The following C4orf51 variants were observed in gnomAD, a reference collection of about 807,000 sequenced individuals.
The protein encoded by C4orf51 is uncharacterized protein C4orf51.
Under a neutral mutation model 25.2 loss-of-function variants are expected in C4orf51, and 25 were observed. The ratio of observed to expected loss-of-function variants is 0.99; its 90% CI spans 0.72 to 1.39. The LOEUF (loss-of-function observed/expected upper bound fraction) is 1.39. C4orf51 is among the 40% of genes most tolerant of loss of function. C4orf51 has a pLI of 0.00. For missense variants in C4orf51, 252 were observed against 239.6 expected, an observed-to-expected ratio of 1.05 and a Z score of -0.34; for synonymous variants, 100 against 84.5, an observed-to-expected ratio of 1.18 and a Z score of -1.01.
chr4:145,764,872 T>A (rs1408702355), intron 1 of C4orf51: 3 of 1,452,120 alleles, frequency 2.1e-6, no homozygotes, highest in South Asian at 2.3e-5. Flanking sequence ...ACTCCTCTCA[T>A]ACCAAGCTCC....
At chr4:145,783,158 T>A in the C4orf51 span, among the ~76,000 whole-genome samples, 1 of 152,176 alleles carries the variant, frequency 6.6e-6, no homozygotes, top group Non-Finnish European at 1.5e-5. Context: ...TGGCCTCCCT[T>A]CCCTGGGGTA....
chr4:145,741,378 G>C (rs1046491502), intron 1 of C4orf51, among the ~76,000 whole-genome samples: 8 of 151,984 alleles, frequency 5.3e-5, no homozygotes, highest in African/African-American at 1.9e-4. Flanking sequence ...TTTGTATTTA[G>C]GAGACGAGGT....
chr4:145,735,139 C>T (rs555316309), downstream of C4orf51, among the ~76,000 whole-genome samples: 9 of 152,214 alleles, frequency 5.9e-5, no homozygotes, highest in Admixed American at 4.6e-4. Context: ...TTGAGAGTTC[C>T]AGGTCGGGGA....
At chr4:145,786,074 T>G in the C4orf51 span, among the ~76,000 whole-genome samples, 1 of 152,192 alleles carries the variant, frequency 6.6e-6, no homozygotes, top group Non-Finnish European at 1.5e-5. Flanking sequence ...TGAAGAAAGT[T>G]CCCTTGAACC....
At chr4:145,785,226 C>T in the C4orf51 span, among the ~76,000 whole-genome samples, 7 of 152,138 alleles carry the variant, frequency 4.6e-5, no homozygotes, top group African/African-American at 2.4e-5. Context: ...TGAGGCCTAT[C>T]ATCCATAATG....
At chr4:145,775,475 C>T (rs539479972), downstream of C4orf51, among the ~76,000 whole-genome samples, 1 of 151,674 alleles carries the variant, frequency 6.6e-6, no homozygotes, top group African/African-American at 2.4e-5. Flanking sequence ...CACTCAGTTA[C>T]AAAGGTTGGA....
In C4orf51 at chr4:145,680,363, A is replaced by G. The variant is rs747015258; in HGVS notation, c.160A>G (p.Lys54Glu). Residue 54 changes from lysine to glutamate, a missense_variant, in exon 1 of 6, where the codon AAA (lysine) becomes GAA (glutamate). Transcript: ENST00000438731. ...SVTTYTGSYR[K>E]KQLDKSMCSQ... is the part of the protein sequence containing the mutation. ...GACAACATACACAGGCAGTTACCGG[A>G]AAAAACAACTGGACAAGTCCATGTG... The G allele has an allele frequency of 9.5e-5, 154 of 1,612,872 alleles. No homozygotes were observed. The highest frequency in any genetic ancestry group is 1.2e-4 in the Non-Finnish European group (145 of 1,179,744).
chr4:145,683,716 CAGACCT>C (rs1728969567), intron 1 of C4orf51, among the ~76,000 whole-genome samples: 1 of 152,216 alleles, frequency 6.6e-6, no homozygotes, highest in African/African-American at 2.4e-5. Context: ...AACTAAGACA[CAGACCT>C]TATACCATTC....
rs114175250 is a variant in C4orf51 at position 145,729,158 on chromosome 4, C to T, written c.367-11C>T. The stretch of plus-strand genomic sequence containing the variant: ...GTGGTTGGTATTTATTTCTATCTCT[C>T]CTTTTTATAGGCACATCAAATTTGG... On this transcript the variant is annotated splice_polypyrimidine_tract_variant and intron_variant, in intron 3 of 5. Coordinates refer to ENST00000438731, the MANE Select transcript of C4orf51 (RefSeq NM_001080531.3). 670 of 1,573,092 alleles carry T rather than the reference C, an allele frequency of 4.3e-4. 1 individual carries two copies. In the African/African-American group the frequency reaches 7.9e-3, roughly 18 times the overall value.
intron 1 of C4orf51, among the ~76,000 whole-genome samples, chr4:145,738,833 G>A (rs1732948316): frequency 6.6e-6 from 1 of 152,010 alleles, no homozygotes; most frequent in South Asian, 2.1e-4. Flanking sequence ...TAGAGATGAG[G>A]TTTCACCATG....
At chr4:145,718,065 C>T (rs1451742067) in intron 2 of C4orf51, among the ~76,000 whole-genome samples, 1 of 152,230 alleles carries the variant, frequency 6.6e-6, no homozygotes, top group Non-Finnish European at 1.5e-5. Flanking sequence ...CACTCACTGG[C>T]TTTCCCTTTC....
chr4:145,697,567 A>G (rs943033552), intron 2 of C4orf51, among the ~76,000 whole-genome samples: 2 of 152,170 alleles, frequency 1.3e-5, no homozygotes, highest in Admixed American at 6.5e-5. Context: ...ATGCTTCTAT[A>G]ACTTTGACTT....
At chr4:145,703,190 A>G (rs891249864) in intron 2 of C4orf51, among the ~76,000 whole-genome samples, 7 of 151,380 alleles carry the variant, frequency 4.6e-5, no homozygotes, top group Admixed American at 1.3e-4. Flanking sequence ...ATGACATTCC[A>G]CCACAAAACA....
At chr4:145,785,197 C>T in the C4orf51 span, among the ~76,000 whole-genome samples, 1 of 152,154 alleles carries the variant, frequency 6.6e-6, no homozygotes, top group South Asian at 2.1e-4. Flanking sequence ...GCTTTCAGCT[C>T]CTCCTGTTAA....
the C4orf51 span, among the ~76,000 whole-genome samples, chr4:145,777,134 A>G: frequency 1.3e-5 from 2 of 152,216 alleles, no homozygotes; most frequent in Non-Finnish European, 1.5e-5. Context: ...ATATGAGACC[A>G]TTATTGTTAT....
chr4:145,760,735 TTTG>T (rs1408772422), intron 1 of C4orf51: 8 of 999,066 alleles, frequency 8.0e-6, no homozygotes, highest in South Asian at 7.4e-5. Context: ...TTTTTTTTTT[TTTG>T]TCTTTTGTCT....
At chr4:145,743,080 TAG>T (rs1733188128) in intron 1 of C4orf51, among the ~76,000 whole-genome samples, 1 of 152,066 alleles carries the variant, frequency 6.6e-6, no homozygotes, top group Non-Finnish European at 1.5e-5. Flanking sequence ...AGTTGGAGGA[TAG>T]GTGTGCCCTT....
At chr4:145,750,573 T>C (rs1733620318) in intron 1 of C4orf51, among the ~76,000 whole-genome samples, 1 of 152,174 alleles carries the variant, frequency 6.6e-6, no homozygotes, top group Non-Finnish European at 1.5e-5. Flanking sequence ...ATCCATTCTT[T>C]ATCTTTGACC....
intron 1 of C4orf51, among the ~76,000 whole-genome samples, chr4:145,738,889 C>A (rs1420511959): frequency 6.6e-6 from 1 of 152,162 alleles, no homozygotes; most frequent in African/African-American, 2.4e-5. Flanking sequence ...AATCTGTCCA[C>A]CTTGGCCTCC....
Sources: allele counts gnomAD v4.1 joint callset (sites outside exome capture counted in the v4.1 genomes callset), GRCh38; gene constraint gnomAD v4.1.1; transcripts MANE v1.5; gene names NCBI Gene and HGNC (gene_info 2026-07-23, HGNC 2026-07-21).